PPP2R5A: variants seen among roughly 807,000 people sequenced by gnomAD.
The protein encoded by PPP2R5A is protein phosphatase 2 regulatory subunit B'alpha, also known as serine/threonine-protein phosphatase 2A 56 kDa regulatory subunit alpha isoform.
In PPP2R5A, 25 loss-of-function variants were observed where a neutral mutation model predicts 64.2. That is an observed-to-expected ratio of 0.39 (90% confidence interval 0.28 to 0.54). The LOEUF is 0.54. Ranked by LOEUF, PPP2R5A falls within the 20% of genes least tolerant of loss-of-function variation. The pLI is 0.67. For synonymous variants in PPP2R5A, 198 were observed against 201.2 expected (o/e 0.98, Z 0.13); for missense variants, 425 against 576.3 (o/e 0.74, Z 2.69).
intron 1 of PPP2R5A, among the ~76,000 whole-genome samples, chr1:212,302,948 A>G (rs983231511): frequency 2.6e-5 from 4 of 152,104 alleles, no homozygotes; most frequent in Non-Finnish European, 5.9e-5. Context: ...ATGGCTGAAT[A>G]ATATTCTATT....
chr1:212,356,535 A>G, intron 8 of PPP2R5A, 91 bp from the exon 9 acceptor site: 2 of 1,172,024 alleles, frequency 1.7e-6, no homozygotes, highest in Non-Finnish European at 2.4e-6. Context: ...TTACTTCAGA[A>G]TGAGTGTTGA....
chr1:212,359,262 C>T, intron 12 of PPP2R5A, among the ~76,000 whole-genome samples: 1 of 152,102 alleles, frequency 6.6e-6, no homozygotes, highest in East Asian at 1.9e-4. Context: ...TTCAAGTGTT[C>T]TTTGTTAGCA....
chr1:212,309,358 A>T, intron 1 of PPP2R5A: 1 of 1,522,528 alleles, frequency 6.6e-7, no homozygotes. Flanking sequence ...CTGCCTCCGG[A>T]GTCGCAGTGT....
At chr1:212,356,379 CTCA>C in intron 8 of PPP2R5A, among the ~76,000 whole-genome samples, 1 of 152,272 alleles carries the variant, frequency 6.6e-6, no homozygotes, top group Non-Finnish European at 1.5e-5. Flanking sequence ...AACCAGAGAC[CTCA>C]TCTGTCTTGT....
chr1:212,357,313 T>G, intron 11 of PPP2R5A, 29 bp downstream of exon 11: 1 of 1,488,396 alleles, frequency 6.7e-7, no homozygotes, highest in South Asian at 1.3e-5. Flanking sequence ...GGTCGTATTT[T>G]TTTCTTTTTT....
intron 8 of PPP2R5A, among the ~76,000 whole-genome samples, chr1:212,355,166 C>G (rs1315640495): frequency 6.6e-6 from 1 of 151,998 alleles, no homozygotes; most frequent in Non-Finnish European, 1.5e-5. Flanking sequence ...GTGAAAAGTA[C>G]CTTTTTATTA....
intron 1 of PPP2R5A, among the ~76,000 whole-genome samples, chr1:212,318,118 C>T (rs1320606623): frequency 6.6e-6 from 1 of 152,196 alleles, no homozygotes; most frequent in South Asian, 2.1e-4. Flanking sequence ...TCTTGAGTCA[C>T]CCTTGGCCCT....
chr1:212,349,564 T>C (rs1659841088), intron 8 of PPP2R5A, among the ~76,000 whole-genome samples: 1 of 152,170 alleles, frequency 6.6e-6, no homozygotes. Flanking sequence ...TTCATTCACC[T>C]TTTGGAATTA....
In PPP2R5A at chr1:212,329,128, T is replaced by A; in HGVS notation, c.182-7T>A. The A allele has an allele frequency of 6.8e-7, 1 of 1,478,848 alleles. No homozygotes were observed. The highest frequency in any genetic ancestry group is 9.0e-7 in the Non-Finnish European group (1 of 1,111,546). 91.6% of individuals were successfully genotyped at this position (1,478,848 alleles called of 1,614,324 possible). A position where few individuals can be genotyped will look rare whatever the true frequency, so the allele number is the denominator to read the frequency against. ...ATTTCTAAGTTTTTCTTTATTTTTATTTATAGATGCCACTTCAAATGAACA... is the reference window on the plus strand; with the variant it reads ...ATTTCTAAGTTTTTCTTTATTTTTAATTATAGATGCCACTTCAAATGAACA... On this transcript the variant is annotated splice_region_variant and splice_polypyrimidine_tract_variant and intron_variant, in intron 1 of 12. Coordinates refer to ENST00000261461, the MANE Select transcript of PPP2R5A (RefSeq NM_006243.4).
At chr1:212,356,854 T>G in intron 9 of PPP2R5A, 96 bp from the exon 10 acceptor site, 1 of 1,306,444 alleles carries the variant, frequency 7.7e-7, no homozygotes, top group Non-Finnish European at 1.0e-6. Context: ...TTTTGCTTAT[T>G]GTATACTATG....
intron 8 of PPP2R5A, among the ~76,000 whole-genome samples, chr1:212,355,541 A>G (rs907112720): frequency 1.3e-5 from 2 of 152,168 alleles, no homozygotes; most frequent in Non-Finnish European, 2.9e-5. Context: ...TCTCTAATAA[A>G]TCATTATGTA....
intron 2 of PPP2R5A, among the ~76,000 whole-genome samples, chr1:212,332,675 C>T (rs367554237): frequency 7.2e-5 from 11 of 152,194 alleles, no homozygotes; most frequent in South Asian, 4.1e-4. Flanking sequence ...TACCCTCACT[C>T]ACCTCTTCCT....
chr1:212,292,158 CT>C (rs1194083606), intron 1 of PPP2R5A, among the ~76,000 whole-genome samples: 4 of 152,222 alleles, frequency 2.6e-5, no homozygotes, highest in African/African-American at 9.6e-5. Context: ...TATCATCTAA[CT>C]TAATCTTGAC....
chr1:212,319,637 T>TTTGG (rs1659226619), intron 1 of PPP2R5A: 1 of 149,752 alleles, frequency 6.7e-6, no homozygotes, highest in Non-Finnish European at 1.5e-5. Flanking sequence ...TTTTTTTTTT[T>TTTGG]GAGACGGAGT....
At chr1:212,342,386 G>A in intron 4 of PPP2R5A, 106 bp downstream of exon 4, 2 of 1,379,082 alleles carry the variant, frequency 1.5e-6, no homozygotes, top group South Asian at 3.1e-5. Context: ...GGTTTAATTT[G>A]ACAGCACTTA....
chr1:212,303,270 A>G (rs1484070669), intron 1 of PPP2R5A, among the ~76,000 whole-genome samples: 1 of 152,126 alleles, frequency 6.6e-6, no homozygotes, highest in African/African-American at 2.4e-5. Context: ...TGACTTTCTG[A>G]TTATAGCCAT....
At chr1:212,332,901 A>ATT (rs1315422938) in intron 2 of PPP2R5A, among the ~76,000 whole-genome samples, 3 of 147,212 alleles carry the variant, frequency 2.0e-5, no homozygotes, top group African/African-American at 7.4e-5. Context: ...TTATTTTTTT[A>ATT]TTTTTATTTT....
At chr1:212,286,554 C>T (rs550531221) in intron 1 of PPP2R5A, among the ~76,000 whole-genome samples, 1 of 152,184 alleles carries the variant, frequency 6.6e-6, no homozygotes, top group Admixed American at 6.5e-5. Flanking sequence ...TCCCCACCTG[C>T]GCGCTTGCTT....
intron 4 of PPP2R5A, 145 bp downstream of exon 4, chr1:212,342,425 G>C: frequency 8.8e-7 from 1 of 1,138,254 alleles, no homozygotes; most frequent in East Asian, 2.7e-5. Context: ...TAGAATAAAA[G>C]TGAAGTTAGC....
Sources: gnomAD v4.1 joint callset for allele counts (sites outside exome capture counted in the v4.1 genomes callset) on GRCh38, gnomAD v4.1.1 for gene constraint, MANE v1.5 for transcripts, NCBI Gene and HGNC (gene_info 2026-07-23, HGNC 2026-07-21) for gene names.